Variants in PDXK observed in about 807,000 individuals in gnomAD.
The protein encoded by PDXK is epididymis secretory sperm binding protein Li 1a.
Under a neutral mutation model 43.2 loss-of-function variants are expected in PDXK, and 15 were observed. The ratio of observed to expected loss-of-function variants is 0.35; its 90% CI spans 0.23 to 0.53. The LOEUF (loss-of-function observed/expected upper bound fraction) is 0.53. Ranked by LOEUF, PDXK falls within the 20% of genes least tolerant of loss-of-function variation. The probability of loss-of-function intolerance (pLI) is 0.92; values close to 1 mark genes in which losing one functional copy is unlikely to be tolerated. For synonymous variants in PDXK, 172 were observed against 165.4 expected, an observed-to-expected ratio of 1.04 and a Z score of -0.31; for missense variants, 343 against 417.0, an observed-to-expected ratio of 0.82 and a Z score of 1.54.
At chr21:43,733,761 G>T in intron 1 of PDXK, 1 of 896,822 alleles carries the variant, frequency 1.1e-6, no homozygotes. Context: ...CGCTGGGTGC[G>T]ATTTCTGGAA....
chr21:43,719,582 C>T (rs541263457), intron 1 of PDXK: 4 of 981,706 alleles, frequency 4.1e-6, no homozygotes, highest in East Asian at 1.1e-4. Flanking sequence ...GAGCGCTCTG[C>T]GGGCCCCTGC....
intron 1 of PDXK, among the ~76,000 whole-genome samples, chr21:43,724,956 C>T (rs906271054): frequency 3.3e-5 from 5 of 151,870 alleles, no homozygotes; most frequent in African/African-American, 1.2e-4. Context: ...AAAAAAAAAT[C>T]CCCTGCTCTG....
rs561698955 is a variant in PDXK, at chr21:43,736,879, C to T, written c.142+2756C>T. The T allele has an allele frequency of 7.2e-6, 5 of 697,314 alleles. No homozygotes were observed. The African/African-American group carries it at 8.7e-5, about 12-fold the overall frequency. The allele number at this position is 697,314 out of a possible 1,614,324, so 43.2% of individuals were successfully genotyped here. On this transcript the variant is annotated intron_variant, in intron 2 of 10. Coordinates refer to ENST00000291565, the MANE Select transcript of PDXK (RefSeq NM_003681.5). The stretch of plus-strand genomic sequence containing the variant: ...AACTCCTTGGGCTCAAGCGATCCTG[C>T]CCCCTCAGCCTCCCAAAGTGCTGGG...
At chr21:43,743,882 G>A in intron 4 of PDXK, 75 bp downstream of exon 4, 2 of 1,006,768 alleles carry the variant, frequency 2.0e-6, no homozygotes, top group East Asian at 2.6e-5. Context: ...CCCGGGAAGG[G>A]ACGTCTTAGC....
At chr21:43,753,487 C>T in intron 8 of PDXK, 96 bp from the exon 9 acceptor site, 2 of 1,348,256 alleles carry the variant, frequency 1.5e-6, no homozygotes, top group South Asian at 2.8e-5. Flanking sequence ...CCCTGTGACC[C>T]TCCCTGCCGC....
In PDXK at chr21:43,756,071, G is replaced by T. The variant is rs1047402; in HGVS notation, c.*8G>T. On this transcript the variant is annotated 3_prime_UTR_variant, in exon 11 of 11. Coordinates refer to ENST00000291565, the MANE Select transcript of PDXK (RefSeq NM_003681.5). ...CAGGCCACGGTGCTGTGAGGGCCCCGCCGCTTGCCCGTGACACGCAGCGCG... is the reference window on the plus strand; with the variant it reads ...CAGGCCACGGTGCTGTGAGGGCCCCTCCGCTTGCCCGTGACACGCAGCGCG... 1 of 1,551,624 alleles carries T rather than the reference G, an allele frequency of 6.4e-7. No homozygotes were observed. Among genetic ancestry groups the T allele is most frequent in the Admixed American group, 1.7e-5 (1 of 58,882 alleles).
At chr21:43,747,245 T>A (rs1382410754) in intron 5 of PDXK, 1 of 152,286 alleles carries the variant, frequency 6.6e-6, no homozygotes, top group Admixed American at 6.5e-5. Flanking sequence ...ACAAATCCAC[T>A]GTGACCAGTC....
At chr21:43,731,711 G>C (rs1389151781) in intron 1 of PDXK, among the ~76,000 whole-genome samples, 1 of 151,386 alleles carries the variant, frequency 6.6e-6, no homozygotes, top group Non-Finnish European at 1.5e-5. Flanking sequence ...GAACCAGTCT[G>C]TCCTTGGCTC....
chr21:43,751,852 C>T (rs2083756158), intron 7 of PDXK, among the ~76,000 whole-genome samples: 2 of 152,362 alleles, frequency 1.3e-5, no homozygotes, highest in South Asian at 2.1e-4. Flanking sequence ...CATTTTAGAG[C>T]AGACACTGTC....
intron 1 of PDXK, 182 bp downstream of exon 1, chr21:43,719,563 C>T: frequency 1.0e-6 from 1 of 973,274 alleles, no homozygotes; most frequent in Non-Finnish European, 1.2e-6. Flanking sequence ...GGGGCGGAAG[C>T]GGAGGGCTGA....
intron 9 of PDXK, 117 bp from the exon 10 acceptor site, chr21:43,755,581 C>T (rs942064526): frequency 9.1e-6 from 8 of 876,828 alleles, no homozygotes; most frequent in Admixed American, 3.5e-5. Context: ...GCCGGCTCCC[C>T]GGTGGCTCGG....
rs1293937696 is a variant in PDXK, at chr21:43,760,531, T to A, written c.*4468T>A. The A allele has an allele frequency of 6.6e-6, 1 of 152,230 alleles. No individual in the cohort carries two copies. Among genetic ancestry groups the A allele is most frequent in the Non-Finnish European group, 1.5e-5 (1 of 68,104 alleles). 9.4% of individuals were successfully genotyped at this position (152,230 alleles called of 1,614,324 possible). A position where few individuals can be genotyped will look rare whatever the true frequency, so the allele number is the denominator to read the frequency against. On this transcript the variant is annotated 3_prime_UTR_variant, in exon 11 of 11. Coordinates refer to ENST00000291565, the MANE Select transcript of PDXK (RefSeq NM_003681.5). Reference sequence around the variant, plus strand: ...CAGTTTCTGACTCCAGCCGCACACCTCCTGCCTCTGCCAGCAGGGGTTGCC... The same window carrying A: ...CAGTTTCTGACTCCAGCCGCACACCACCTGCCTCTGCCAGCAGGGGTTGCC...
intron 1 of PDXK, among the ~76,000 whole-genome samples, chr21:43,725,634 G>C (rs1018879201): frequency 6.6e-6 from 1 of 151,748 alleles, no homozygotes; most frequent in Non-Finnish European, 1.5e-5. Context: ...ACATGGTGAA[G>C]CTCCATCTCT....
chr21:43,741,923 C>A (rs2083540859), intron 3 of PDXK, 152 bp downstream of exon 3: 2 of 651,952 alleles, frequency 3.1e-6, no homozygotes, highest in Admixed American at 2.7e-5. Context: ...CCATCACACC[C>A]CCGGTAGCCT....
At chr21:43,733,486 C>T (rs1040458583) in intron 1 of PDXK, 1 of 206,236 alleles carries the variant, frequency 4.8e-6, no homozygotes, top group Non-Finnish European at 8.5e-6. Flanking sequence ...GAGGCCCCCA[C>T]TCCGTGGATT....
At chr21:43,742,217 T>G (rs2083548870) in intron 3 of PDXK, among the ~76,000 whole-genome samples, 1 of 152,222 alleles carries the variant, frequency 6.6e-6, no homozygotes, top group Admixed American at 6.5e-5. Context: ...TCTCACTCTG[T>G]GGCCCAGGCT....
At chr21:43,746,203 C>T (rs2083635824) in intron 5 of PDXK, 78 bp downstream of exon 5, 6 of 1,123,940 alleles carry the variant, frequency 5.3e-6, no homozygotes, top group Admixed American at 1.7e-5. Flanking sequence ...AGGCCCACAT[C>T]TCTAAGTGTC....
At chr21:43,740,131 C>T (rs572031943) in intron 2 of PDXK, among the ~76,000 whole-genome samples, 2 of 152,044 alleles carry the variant, frequency 1.3e-5, no homozygotes, top group African/African-American at 4.8e-5. Flanking sequence ...CCCAGGTGCA[C>T]CCCCCAGATG....
At position 43,743,544 on chromosome 21, in the gene PDXK, T is replaced by C. The variant is rs1429131764; in HGVS notation, c.248-180T>C. 3.4e-5 allele frequency: 8 copies of C among 232,770 alleles called. 1 individual carries two copies. The highest frequency in any genetic ancestry group is 2.0e-4 in the South Asian group (7 of 35,030). 14.4% of individuals were successfully genotyped at this position (232,770 alleles called of 1,614,324 possible). A position where few individuals can be genotyped will look rare whatever the true frequency, so the allele number is the denominator to read the frequency against. On this transcript the variant is annotated intron_variant, in intron 3 of 10. Coordinates refer to ENST00000291565, the MANE Select transcript of PDXK (RefSeq NM_003681.5). The stretch of plus-strand genomic sequence containing the variant: ...AGCCCCTGAGCACTGTGGGGACACC[T>C]CGCCTGCACCCACCTCCCTCCCCCC...
Sources: allele counts gnomAD v4.1 joint callset (sites outside exome capture counted in the v4.1 genomes callset), GRCh38; gene constraint gnomAD v4.1.1; transcripts MANE v1.5; gene names NCBI Gene and HGNC (gene_info 2026-07-23, HGNC 2026-07-21).